MSANTD2: variants seen among roughly 807,000 people sequenced by gnomAD.
MSANTD2 encodes Myb/SANT DNA binding domain containing 2, also known as myb/SANT-like DNA-binding domain-containing protein 2.
MSANTD2 carries 19 observed loss-of-function variants against 52.6 expected under a neutral mutation model. The ratio of observed to expected loss-of-function variants is 0.36; its 90% CI spans 0.25 to 0.53. MSANTD2 has a LOEUF of 0.53. Among genes scored for constraint, MSANTD2 ranks in the 20% least tolerant of loss-of-function variants. The pLI is 0.91. For missense variants in MSANTD2, 558 were observed against 716.3 expected, an observed-to-expected ratio of 0.78 and a Z score of 2.52; for synonymous variants, 291 against 289.7, an observed-to-expected ratio of 1.00 and a Z score of -0.04.
chr11:124,783,706 T>C lies in MSANTD2; in HGVS notation c.511-8732A>G, dbSNP rs949989962. 8 of 983,528 alleles carry C rather than the reference T, an allele frequency of 8.1e-6. No homozygotes were observed. The African/African-American group carries it at 1.2e-4, about 15-fold the overall frequency. The allele number at this position is 983,528 out of a possible 1,614,324, so 60.9% of individuals were successfully genotyped here. ...AGGAAATTTTGATTGTCAATGAATA[T>C]CAAGTTCTAAGTTTTCTAGGTTCCT... On this transcript the variant is annotated intron_variant, in intron 1 of 3. Transcript: ENST00000374979.
At chr11:124,775,101 T>C in intron 1 of MSANTD2, 127 bp from the exon 2 acceptor site, 1 of 788,294 alleles carries the variant, frequency 1.3e-6, no homozygotes, top group South Asian at 2.4e-5. Flanking sequence ...ACAGGAATGC[T>C]AGATTTCAAA....
At chr11:124,787,412 T>C (rs904968515) in intron 1 of MSANTD2, among the ~76,000 whole-genome samples, 3 of 152,192 alleles carry the variant, frequency 2.0e-5, no homozygotes, top group African/African-American at 4.8e-5. Context: ...AGTCTTGCTG[T>C]GTTGCCCAGG....
chr11:124,769,561 A>C (rs1944425066), intron 3 of MSANTD2, among the ~76,000 whole-genome samples: 1 of 152,196 alleles, frequency 6.6e-6, no homozygotes, highest in South Asian at 2.1e-4. Flanking sequence ...GAAATGTTTT[A>C]TTGATCTTAC....
At chr11:124,796,982 T>A (rs1945515216) in intron 1 of MSANTD2, among the ~76,000 whole-genome samples, 1 of 152,228 alleles carries the variant, frequency 6.6e-6, no homozygotes. Context: ...TACTTGAACA[T>A]CCACTTCATA....
In MSANTD2 at chr11:124,767,683, T is replaced by C. The variant is rs778854275; in HGVS notation, c.1173A>G (p.Glu391=). The C allele has an allele frequency of 1.2e-6, 2 of 1,614,140 alleles. No homozygotes were observed. The highest frequency in any genetic ancestry group is 4.5e-5 in the East Asian group (2 of 44,904). ...AGTGGGCAATGGGTATCCAGTCAAT[T>C]TCCATGTGCAGCTCCAAGCACCTAG... ...SEARCLELHM[E]IDWIPIAHSK... is the part of the protein sequence containing the mutation. The change falls in exon 4 of 4, where the codon GAA becomes GAG. Residue 391 remains glutamate, a synonymous_variant. Transcript: ENST00000374979. This position sits in a 1 kb window ranked among gnomAD's most constrained non-coding sequence, Gnocchi z 6.5.
intron 3 of MSANTD2, 73 bp from the exon 4 acceptor site, chr11:124,768,101 A>C: frequency 7.0e-7 from 1 of 1,430,776 alleles, no homozygotes; most frequent in Non-Finnish European, 9.5e-7. Context: ...TTCTGTGATG[A>C]TGGAAATGTT....
At position 124,767,266 on chromosome 11, in the gene MSANTD2, A is replaced by G. The variant is rs1235382543; in HGVS notation, c.1590T>C (p.Phe530=). ...AAAGAAAATCCCTCTCTACTTCTACAAATTTGATGTAGATGGATTTGGGGG... is the reference window on the plus strand; with the variant it reads ...AAAGAAAATCCCTCTCTACTTCTACGAATTTGATGTAGATGGATTTGGGGG... ...GVSPKSIYIK[F]VEVERDFLSA... Residue 530 remains phenylalanine (F), a synonymous_variant, in exon 4 of 4, where the codon TTT becomes TTC. Coordinates refer to ENST00000374979, the MANE Select transcript of MSANTD2 (RefSeq NM_001308027.2). This position sits in a 1 kb window ranked among gnomAD's most constrained non-coding sequence, Gnocchi z 6.5. The G allele has an allele frequency of 6.2e-7, 1 of 1,614,094 alleles. No individual in the cohort carries two copies. Among genetic ancestry groups the G allele is most frequent in the African/African-American group, 1.3e-5 (1 of 74,934 alleles).
At chr11:124,780,294 T>C (rs1944910985) in intron 1 of MSANTD2, among the ~76,000 whole-genome samples, 2 of 152,218 alleles carry the variant, frequency 1.3e-5, no homozygotes, top group South Asian at 2.1e-4. Context: ...CCAGCAGAAC[T>C]TTTGCTACCT....
intron 1 of MSANTD2, among the ~76,000 whole-genome samples, chr11:124,776,844 C>T (rs1284792089): frequency 6.6e-6 from 1 of 152,210 alleles, no homozygotes; most frequent in Non-Finnish European, 1.5e-5. Context: ...TCTTCTGGAG[C>T]CTCAAATGAT....
At chr11:124,788,462 A>C (rs1444849920) in intron 1 of MSANTD2, among the ~76,000 whole-genome samples, 2 of 152,206 alleles carry the variant, frequency 1.3e-5, no homozygotes, top group Non-Finnish European at 2.9e-5. Context: ...TGCAGTGAAG[A>C]AGTTAGAATT....
In MSANTD2 at chr11:124,775,000, C is replaced by A; in HGVS notation, c.511-26G>T. ...CTAAGACACAAAGTCTTTTGTTATT[C>A]CTTTAAAGCTGTACTTCCTCTTCCA... is the stretch of plus-strand genomic sequence containing the variant. On this transcript the variant is annotated intron_variant, in intron 1 of 3. Transcript: ENST00000374979. This position sits in a 1 kb window ranked among gnomAD's most constrained non-coding sequence, Gnocchi z 5.1. The A allele has an allele frequency of 6.5e-7, 1 of 1,527,168 alleles. No homozygotes were observed. Among genetic ancestry groups the A allele is most frequent in the South Asian group, 1.2e-5 (1 of 82,478 alleles). The allele number at this position is 1,527,168 out of a possible 1,614,324, so 94.6% of individuals were successfully genotyped here.
In MSANTD2 at chr11:124,779,212, A is replaced by G. The variant is rs1944857642; in HGVS notation, c.511-4238T>C. 1 of 152,204 alleles carries G rather than the reference A, an allele frequency of 6.6e-6. No individual in the cohort carries two copies. The highest frequency in any genetic ancestry group is 1.5e-5 in the Non-Finnish European group (1 of 68,038). 9.4% of individuals were successfully genotyped at this position (152,204 alleles called of 1,614,324 possible). ...TTGAAAGGCTTGGAAAATAAGATCT[A>G]TAAGCAGGGACAGTGGTTTCATCAA... is the stretch of plus-strand genomic sequence containing the variant. On this transcript the variant is annotated intron_variant, in intron 1 of 3. Transcript: ENST00000374979. The surrounding 1 kb of genome is among the most constrained non-coding windows in gnomAD (Gnocchi z 4.6).
chr11:124,788,124 T>C (rs1318745942), intron 1 of MSANTD2, among the ~76,000 whole-genome samples: 4 of 149,262 alleles, frequency 2.7e-5, no homozygotes, highest in Non-Finnish European at 1.5e-5. Context: ...TTTTGAAAGA[T>C]TTATAGCCTT....
At chr11:124,796,823 T>C (rs1945510493) in intron 1 of MSANTD2, among the ~76,000 whole-genome samples, 2 of 152,254 alleles carry the variant, frequency 1.3e-5, no homozygotes, top group Non-Finnish European at 2.9e-5. Context: ...CTTTTTGTAG[T>C]TCTCATCAAC....
At position 124,767,796 on chromosome 11, in the gene MSANTD2, G is replaced by T. The variant is rs745721192; in HGVS notation, c.1060C>A (p.Pro354Thr). 6.2e-7 allele frequency: 1 copy of T among 1,614,194 alleles called. No individual in the cohort carries two copies. The highest frequency in any genetic ancestry group is 2.2e-5 in the East Asian group (1 of 44,892). The stretch of plus-strand genomic sequence containing the variant: ...CGGGTCATAATGATCCGTCCTTCAG[G>T]CTTCTCAGAGTTGAAGTACTCCCGA... The part of the protein sequence containing the change: ...RLREYFNSEK[P>T]EGRIIMTRVQ... The change falls in exon 4 of 4, where the codon CCT (proline) becomes ACT (threonine). Residue 354 changes from proline to threonine, a missense_variant. Coordinates refer to ENST00000374979, the MANE Select transcript of MSANTD2 (RefSeq NM_001308027.2). This position sits in a 1 kb window ranked among gnomAD's most constrained non-coding sequence, Gnocchi z 6.5.
At chr11:124,784,450 T>C in intron 1 of MSANTD2, 1 of 983,864 alleles carries the variant, frequency 1.0e-6, no homozygotes, top group South Asian at 4.7e-5. Flanking sequence ...TACGAACTAA[T>C]TATTCCATGG....
rs140672767 is a variant in MSANTD2, at chr11:124,793,896, T to G, written c.510+5975A>C. ...AGCTCCCCCTAGAGGTTTGAGTGTG[T>G]GGCCAGGAGAATCCTTTTACAAAGA... is the stretch of plus-strand genomic sequence containing the variant. On this transcript the variant is annotated intron_variant, in intron 1 of 3. Transcript: ENST00000374979. Among the ~76,000 whole-genome samples the G allele has an allele frequency of 7.7e-3, 1,168 of 152,236 alleles. 18 individuals are homozygous for G. Among genetic ancestry groups the G allele is most frequent in the African/African-American group, 0.027 (1,107 of 41,526 alleles).
rs981122244 is a variant in MSANTD2, at chr11:124,779,912, T to C, written c.511-4938A>G. On this transcript the variant is annotated intron_variant, in intron 1 of 3. Transcript: ENST00000374979. The surrounding 1 kb of genome is among the most constrained non-coding windows in gnomAD (Gnocchi z 4.6). The stretch of plus-strand genomic sequence containing the variant: ...AAATTTCCAGTGACTAATTTTCTTA[T>C]AAAATTGTTAAAAATGATACCTCAG... Among the ~76,000 whole-genome samples, 2 of 152,178 alleles carry C rather than the reference T, an allele frequency of 1.3e-5. No individual in the cohort carries two copies. The highest frequency in any genetic ancestry group is 2.9e-5 in the Non-Finnish European group (2 of 68,012).
At chr11:124,795,751 A>C (rs1257231958) in intron 1 of MSANTD2, among the ~76,000 whole-genome samples, 1 of 152,150 alleles carries the variant, frequency 6.6e-6, no homozygotes, top group Admixed American at 6.5e-5. Context: ...AGCCCTCCAC[A>C]TAGTAAGCAC....
Sources: gnomAD v4.1 joint callset for allele counts (sites outside exome capture counted in the v4.1 genomes callset) on GRCh38, gnomAD v4.1.1 for gene constraint, Gnocchi (gnomAD v3.1) non-coding constraint, MANE v1.5 for transcripts, NCBI Gene and HGNC (gene_info 2026-07-23, HGNC 2026-07-21) for gene names.